Variants in RNGTT observed in about 807,000 individuals in gnomAD.
RNGTT encodes mRNA-capping enzyme.
A neutral mutation model predicts 79.3 loss-of-function variants in RNGTT; 33 were observed. That is an observed-to-expected ratio of 0.42 (90% CI 0.32 to 0.56). RNGTT has a LOEUF of 0.56. Among genes scored for constraint, RNGTT ranks in the 20% least tolerant of loss-of-function variants. The pLI is 0.17. For synonymous variants in RNGTT, 222 were observed against 235.9 expected, an observed-to-expected ratio of 0.94 and a Z score of 0.54; for missense variants, 497 against 739.1, an observed-to-expected ratio of 0.67 and a Z score of 3.80.
At chr6:88,948,395 G>T (rs1384258778) in intron 1 of RNGTT, among the ~76,000 whole-genome samples, 1 of 124,546 alleles carries the variant, frequency 8.0e-6, no homozygotes, top group Non-Finnish European at 1.7e-5. Context: ...CAGCCGCCCC[G>T]TCCGGGAGGT....
intron 4 of RNGTT, among the ~76,000 whole-genome samples, chr6:88,919,394 CAGAG>C (rs1462115693): frequency 6.6e-6 from 1 of 152,164 alleles, no homozygotes; most frequent in Admixed American, 6.5e-5. Context: ...AACAAATAGA[CAGAG>C]AGATTAGCTA....
intron 4 of RNGTT, among the ~76,000 whole-genome samples, chr6:88,910,984 G>A (rs1783812017): frequency 6.6e-6 from 1 of 152,148 alleles, no homozygotes; most frequent in African/African-American, 2.4e-5. Flanking sequence ...ATGCTTATGG[G>A]AGTTCTAAAC....
At chr6:88,732,727 T>C (rs1777157931) in intron 13 of RNGTT, among the ~76,000 whole-genome samples, 1 of 152,178 alleles carries the variant, frequency 6.6e-6, no homozygotes, top group Admixed American at 6.5e-5. Flanking sequence ...TTGAGGATAT[T>C]ATGCTAAATG....
intron 4 of RNGTT, among the ~76,000 whole-genome samples, chr6:88,924,517 A>G (rs1784258336): frequency 6.6e-6 from 1 of 152,096 alleles, no homozygotes; most frequent in South Asian, 2.1e-4. Flanking sequence ...TTGAGACAGA[A>G]TTCTTGCTAT....
chr6:88,761,018 TACACACACAC>T (rs59719740), intron 13 of RNGTT, among the ~76,000 whole-genome samples: 12 of 131,146 alleles, frequency 9.2e-5, no homozygotes, highest in African/African-American at 1.7e-4. Flanking sequence ...GCAAAAGAAA[TACACACACAC>T]ACACACACAC....
chr6:88,683,060 A>T (rs1335401283), intron 13 of RNGTT, among the ~76,000 whole-genome samples: 1 of 152,188 alleles, frequency 6.6e-6, no homozygotes, highest in African/African-American at 2.4e-5. Context: ...TTGATGAGTT[A>T]AGTATCCACC....
At position 88,870,490 on chromosome 6, in the gene RNGTT, T is replaced by A. The variant is rs78594128; in HGVS notation, c.897-16726A>T. Among the ~76,000 whole-genome samples, 344 of 150,624 alleles carry A rather than the reference T, an allele frequency of 2.3e-3. 2 individuals carry two copies. The highest frequency in any genetic ancestry group is 4.5e-3 in the Admixed American group (68 of 15,128). On this transcript the variant is annotated intron_variant, in intron 8 of 15. Coordinates refer to ENST00000369485, the MANE Select transcript of RNGTT (RefSeq NM_003800.5). ...ATCATGTTTTTCTATTAGACTCCTT[T>A]GCTCCCAACACAATTAAGAGCAAAA...
intron 6 of RNGTT, among the ~76,000 whole-genome samples, chr6:88,892,809 C>A (rs988894225): frequency 6.6e-6 from 1 of 152,040 alleles, no homozygotes; most frequent in Non-Finnish European, 1.5e-5. Flanking sequence ...CTGGCAAAGA[C>A]CTGGCAATCT....
chr6:88,801,740 A>G, intron 11 of RNGTT, 108 bp from the exon 12 acceptor site: 1 of 674,868 alleles, frequency 1.5e-6, no homozygotes, highest in Non-Finnish European at 2.5e-6. Context: ...AAGTTATAAG[A>G]ACTGAAATAC....
intron 4 of RNGTT, among the ~76,000 whole-genome samples, chr6:88,908,493 C>A (rs1582117815): frequency 6.6e-6 from 1 of 152,288 alleles, no homozygotes; most frequent in African/African-American, 2.4e-5. Context: ...AAAGCAGACA[C>A]AGTGTTTGAA....
chr6:88,790,759 A>G (rs779622941), intron 12 of RNGTT, among the ~76,000 whole-genome samples: 1 of 152,234 alleles, frequency 6.6e-6, no homozygotes, highest in Non-Finnish European at 1.5e-5. Context: ...AGTTCATCAG[A>G]AAGTTTTAGA....
chr6:88,748,203 TATC>T (rs902046283), intron 13 of RNGTT, among the ~76,000 whole-genome samples: 4 of 152,132 alleles, frequency 2.6e-5, no homozygotes, highest in Non-Finnish European at 5.9e-5. Context: ...GAATGTCAGT[TATC>T]ATCCTGAAAC....
At chr6:88,925,296 T>C (rs1784283742) in intron 4 of RNGTT, among the ~76,000 whole-genome samples, 1 of 152,112 alleles carries the variant, frequency 6.6e-6, no homozygotes, top group South Asian at 2.1e-4. Context: ...TAAGCATTTA[T>C]TAATACTAGC....
chr6:88,924,771 G>A (rs1189636862), intron 4 of RNGTT, among the ~76,000 whole-genome samples: 4 of 147,186 alleles, frequency 2.7e-5, no homozygotes, highest in African/African-American at 7.6e-5. Flanking sequence ...TATTGCCCAA[G>A]CTGGAGTGCA....
At chr6:88,814,035 C>T (rs1780230167) in intron 11 of RNGTT, among the ~76,000 whole-genome samples, 1 of 151,708 alleles carries the variant, frequency 6.6e-6, no homozygotes, top group African/African-American at 2.4e-5. Context: ...AGGTTATAAC[C>T]ATAGGTTATA....
intron 1 of RNGTT, among the ~76,000 whole-genome samples, chr6:88,957,372 A>G (rs937449073): frequency 3.3e-5 from 5 of 152,224 alleles, no homozygotes; most frequent in African/African-American, 1.2e-4. Flanking sequence ...TCACCAGAGC[A>G]ATCAGGCAAG....
At chr6:88,807,805 A>C (rs934836562) in intron 11 of RNGTT, among the ~76,000 whole-genome samples, 6 of 152,126 alleles carry the variant, frequency 3.9e-5, no homozygotes, top group African/African-American at 1.4e-4. Flanking sequence ...ACCCAGCAAG[A>C]AGGGGGAAAA....
chr6:88,737,456 C>T (rs6937289), intron 13 of RNGTT, among the ~76,000 whole-genome samples: 3,110 of 152,168 alleles, frequency 0.02, 116 homozygotes, highest in African/African-American at 0.069. Flanking sequence ...CATGTGAGAA[C>T]GATATAAATT....
chr6:88,657,864 CT>C (rs1774037500), intron 14 of RNGTT, among the ~76,000 whole-genome samples: 1 of 152,092 alleles, frequency 6.6e-6, no homozygotes, highest in African/African-American at 2.4e-5. Flanking sequence ...ATCCACTGGC[CT>C]AAGAATCACC....
Sources: gnomAD v4.1 joint callset for allele counts (sites outside exome capture counted in the v4.1 genomes callset) on GRCh38, gnomAD v4.1.1 for gene constraint, MANE v1.5 for transcripts, NCBI Gene and HGNC (gene_info 2026-07-23, HGNC 2026-07-21) for gene names.